The following RUNX1T1 variants were observed in gnomAD, a reference collection of about 807,000 sequenced individuals.
The protein encoded by RUNX1T1 is protein CBFA2T1.
Under a neutral mutation model 62.8 loss-of-function variants are expected in RUNX1T1, and 4 were observed. That is an observed-to-expected ratio of 0.06 (90% CI 0.03 to 0.15). The LOEUF (loss-of-function observed/expected upper bound fraction) is 0.15, where lower values mean the gene tolerates loss of function less well. RUNX1T1 is among the 10% of genes least tolerant of loss of function. The pLI is 1.00. For synonymous variants in RUNX1T1, 291 were observed against 286.0 expected (o/e 1.02, Z -0.18); for missense variants, 508 against 754.3 (o/e 0.67, Z 3.82).
At chr8:91,980,328 T>G (rs1243016032) in intron 8 of RUNX1T1, among the ~76,000 whole-genome samples, 1 of 152,200 alleles carries the variant, frequency 6.6e-6, no homozygotes, top group Admixed American at 6.5e-5. Context: ...GGTACAAAAC[T>G]CCAAACATTT....
chr8:91,998,886 T>A (rs2130955947), intron 5 of RUNX1T1, among the ~76,000 whole-genome samples: 1 of 152,302 alleles, frequency 6.6e-6, no homozygotes, highest in Admixed American at 6.5e-5. Flanking sequence ...GAGATGCATT[T>A]TTTAACTAAA....
At chr8:92,032,227 T>A (rs1313596555) in intron 1 of RUNX1T1, among the ~76,000 whole-genome samples, 3 of 149,826 alleles carry the variant, frequency 2.0e-5, no homozygotes, top group Non-Finnish European at 3.0e-5. Context: ...CAGAAATGGA[T>A]ATACCTTTAA....
intron 1 of RUNX1T1, among the ~76,000 whole-genome samples, chr8:92,081,066 C>T (rs996418050): frequency 2.6e-5 from 4 of 152,168 alleles, no homozygotes; most frequent in Non-Finnish European, 5.9e-5. Context: ...CCACTGTATA[C>T]GCACTCTGGC....
intron 4 of RUNX1T1, chr8:92,005,517 T>C: frequency 2.0e-6 from 1 of 501,568 alleles, no homozygotes; most frequent in South Asian, 3.2e-5. Context: ...TACATCACTT[T>C]ACCTCTCTTT....
intron 1 of RUNX1T1, among the ~76,000 whole-genome samples, chr8:92,089,378 G>A (rs1836620874): frequency 6.6e-6 from 1 of 152,134 alleles, no homozygotes; most frequent in Non-Finnish European, 1.5e-5. Flanking sequence ...AAAGAGAATT[G>A]TTTAGTCTTT....
At chr8:92,027,727 C>T (rs1825479876) in intron 1 of RUNX1T1, among the ~76,000 whole-genome samples, 1 of 152,098 alleles carries the variant, frequency 6.6e-6, no homozygotes, top group Non-Finnish European at 1.5e-5. Flanking sequence ...GACTGCAGCA[C>T]ATCCCTATGG....
intron 10 of RUNX1T1, among the ~76,000 whole-genome samples, chr8:91,966,496 C>T (rs976808779): frequency 1.5e-4 from 23 of 152,262 alleles, no homozygotes; most frequent in Non-Finnish European, 2.1e-4. Context: ...TCTGTGCTCA[C>T]TTGCAGTTTC....
intron 8 of RUNX1T1, among the ~76,000 whole-genome samples, chr8:91,983,074 T>C (rs184449628): frequency 2.6e-3 from 389 of 151,460 alleles, no homozygotes; most frequent in African/African-American, 8.9e-3. Context: ...ATTACAGGCA[T>C]GCGCCACCAT....
At chr8:92,086,258 A>C (rs954206222) in intron 1 of RUNX1T1, among the ~76,000 whole-genome samples, 1 of 152,226 alleles carries the variant, frequency 6.6e-6, no homozygotes, top group African/African-American at 2.4e-5. Flanking sequence ...ACCATGTTAG[A>C]ATTCAAAGAA....
At position 92,017,119 on chromosome 8, in the gene RUNX1T1, A is replaced by G. The variant is rs762566539; in HGVS notation, c.145+107T>C. 5 of 840,056 alleles carry G rather than the reference A, an allele frequency of 6.0e-6. No homozygotes were observed. The Admixed American group carries it at 6.9e-5, about 12-fold the overall frequency. 52.0% of individuals were successfully genotyped at this position (840,056 alleles called of 1,614,324 possible). On this transcript the variant is annotated intron_variant, in intron 2 of 10. Transcript: ENST00000396218. ...ATGATTTTTTTTGGTTCATTTCTGC[A>G]TAATACATTGATGCTGAATTTTATT...
exon 11 of RUNX1T1, chr8:91,959,457 T>C (rs79974020): frequency 0.16 from 22,985 of 140,266 alleles, 1,905 homozygotes; most frequent in Admixed American, 0.27. Flanking sequence ...TGTGTGTGTG[T>C]GTGTGTGTGT....
intron 9 of RUNX1T1, among the ~76,000 whole-genome samples, chr8:91,974,890 G>T (rs1207532361): frequency 6.6e-6 from 1 of 152,100 alleles, no homozygotes; most frequent in African/African-American, 2.4e-5. Flanking sequence ...ACTTGGATAA[G>T]ATACATGTGA....
Position 92,008,876 on chromosome 8 carries a change from T to C in RUNX1T1, c.477+2126A>G, listed in dbSNP as rs543156845. ...ATAGAAATTGGGTGTGGTTAAAGCA[T>C]AAACTTTTTCATTGATGTCTAAAAA... On this transcript the variant is annotated intron_variant, in intron 4 of 10. Coordinates refer to ENST00000396218, the Ensembl canonical transcript of RUNX1T1. Among the ~76,000 whole-genome samples, 173 of 152,336 alleles carry C rather than the reference T, an allele frequency of 1.1e-3. 2 individuals carry two copies. The highest frequency in any genetic ancestry group is 4.0e-3 in the African/African-American group (167 of 41,584).
At chr8:91,988,978 C>A (rs535664909) in intron 6 of RUNX1T1, among the ~76,000 whole-genome samples, 5 of 152,118 alleles carry the variant, frequency 3.3e-5, no homozygotes, top group African/African-American at 1.2e-4. Flanking sequence ...TTCAGCAGCA[C>A]ACAATTTTTA....
At chr8:92,024,214 C>A (rs1290330693) in intron 1 of RUNX1T1, among the ~76,000 whole-genome samples, 1 of 152,080 alleles carries the variant, frequency 6.6e-6, no homozygotes, top group Non-Finnish European at 1.5e-5. Context: ...GATAAAATAA[C>A]CCTGGCATGC....
intron 9 of RUNX1T1, among the ~76,000 whole-genome samples, chr8:91,974,507 ACC>A (rs1359541086): frequency 1.3e-5 from 2 of 152,080 alleles, no homozygotes; most frequent in Non-Finnish European, 2.9e-5. Flanking sequence ...ACATAAAGTC[ACC>A]CTTCTTCTGT....
chr8:91,979,536 A>C (rs1814734112), intron 8 of RUNX1T1, among the ~76,000 whole-genome samples: 1 of 152,092 alleles, frequency 6.6e-6, no homozygotes, highest in Non-Finnish European at 1.5e-5. Context: ...AACTACTGAA[A>C]GATGAAAACA....
intron 1 of RUNX1T1, among the ~76,000 whole-genome samples, chr8:92,028,847 G>A (rs997033696): frequency 2.0e-4 from 30 of 152,104 alleles, no homozygotes; most frequent in Non-Finnish European, 4.4e-4. Flanking sequence ...TTGTCAAACT[G>A]TAGTTCATTC....
chr8:92,101,115 C>T (rs564470325), upstream of RUNX1T1, among the ~76,000 whole-genome samples: 1 of 152,262 alleles, frequency 6.6e-6, no homozygotes, highest in South Asian at 2.1e-4. Flanking sequence ...ATAATAAAAG[C>T]TACTGAGTGC....
Sources: gnomAD v4.1 joint callset for allele counts (sites outside exome capture counted in the v4.1 genomes callset) on GRCh38, gnomAD v4.1.1 for gene constraint, MANE v1.5 for transcripts, NCBI Gene and HGNC (gene_info 2026-07-23, HGNC 2026-07-21) for gene names.